Variants in MALRD1 observed in about 807,000 individuals in gnomAD.
MALRD1 encodes MAM and LDL-receptor class A domain-containing protein 1.
Under a neutral mutation model 242.1 loss-of-function variants are expected in MALRD1, and 247 were observed. The observed-to-expected ratio is 1.02, with a 90% CI of 0.92 to 1.13. MALRD1 has a LOEUF of 1.13. Among genes scored for constraint, MALRD1 ranks in the 50% most tolerant of loss-of-function variants. The pLI is 0.00. For synonymous variants in MALRD1, 995 were observed against 866.6 expected (o/e 1.15, Z -2.60); for missense variants, 2,989 against 2,533.1 (o/e 1.18, Z -3.86).
intron 5 of MALRD1, among the ~76,000 whole-genome samples, chr10:19,112,176 C>G (rs1342284876): frequency 6.8e-6 from 1 of 147,906 alleles, no homozygotes; most frequent in Non-Finnish European, 1.5e-5. Flanking sequence ...TTTTATGAAG[C>G]CAGTAGAGCT....
intron 21 of MALRD1, among the ~76,000 whole-genome samples, chr10:19,297,637 A>G (rs955023718): frequency 3.9e-5 from 6 of 152,096 alleles, no homozygotes; most frequent in African/African-American, 1.4e-4. Flanking sequence ...ATTACTTTCG[A>G]AGGCATGTTA....
At chr10:19,363,803 A>G (rs1844998501) in intron 26 of MALRD1, among the ~76,000 whole-genome samples, 1 of 152,100 alleles carries the variant, frequency 6.6e-6, no homozygotes, top group Non-Finnish European at 1.5e-5. Context: ...GCTTCCAAAG[A>G]ATCATCAATA....
chr10:19,325,899 A>T lies in MALRD1; in HGVS notation c.3577-1664A>T, dbSNP rs138998184. Among the ~76,000 whole-genome samples, 324 of 152,248 alleles carry T rather than the reference A, an allele frequency of 2.1e-3. 1 individual carries two copies. The highest frequency in any genetic ancestry group is 7.6e-3 in the African/African-American group (314 of 41,572). ...CGTTTTCCGAAAGGTTGATTGCAAT[A>T]TTAGTAGTAGGTGCTACCCTGACTC... On this transcript the variant is annotated intron_variant, in intron 22 of 39. Coordinates refer to ENST00000454679, the MANE Select transcript of MALRD1 (RefSeq NM_001142308.3).
At chr10:19,603,700 C>G (rs1052157622) in intron 34 of MALRD1, among the ~76,000 whole-genome samples, 2 of 151,960 alleles carry the variant, frequency 1.3e-5, no homozygotes, top group African/African-American at 4.8e-5. Flanking sequence ...TTCATATTTT[C>G]TAACAGTATA....
chr10:19,520,337 A>C (rs1482265553), intron 31 of MALRD1, among the ~76,000 whole-genome samples: 1 of 150,942 alleles, frequency 6.6e-6, no homozygotes, highest in Middle Eastern at 3.2e-3. Context: ...AATTGGTATC[A>C]TCTTTGTCAT....
chr10:19,733,808 GGTTTT>G (rs1178103613), intron 39 of MALRD1, among the ~76,000 whole-genome samples: 1 of 151,646 alleles, frequency 6.6e-6, no homozygotes, highest in African/African-American at 2.4e-5. Flanking sequence ...TAAAGGCATT[GGTTTT>G]GTTTTGTTTT....
chr10:19,077,950 AC>A (rs1427050229), intron 2 of MALRD1, among the ~76,000 whole-genome samples: 1 of 151,694 alleles, frequency 6.6e-6, no homozygotes, highest in African/African-American at 2.4e-5. Context: ...TCAAAGCAAA[AC>A]TCATAAAGTA....
At chr10:19,448,448 T>C (rs1835125585) in intron 28 of MALRD1, among the ~76,000 whole-genome samples, 1 of 152,120 alleles carries the variant, frequency 6.6e-6, no homozygotes, top group South Asian at 2.1e-4. Flanking sequence ...TATTTTTTTC[T>C]TTGCCAAATA....
At chr10:19,545,913 A>G (rs1835186584) in intron 32 of MALRD1, among the ~76,000 whole-genome samples, 1 of 152,008 alleles carries the variant, frequency 6.6e-6, no homozygotes, top group Non-Finnish European at 1.5e-5. Flanking sequence ...TCTATCTGTG[A>G]GGCTTTTATT....
At position 19,347,981 on chromosome 10, in the gene MALRD1, C is replaced by G. The variant is rs555587475; in HGVS notation, c.4112C>G (p.Ser1371Ter). Residue 1371 changes from serine to a stop codon, truncating the protein, a stop_gained, in exon 25 of 40, where the codon TCA (serine) becomes TGA (stop). Coordinates refer to ENST00000454679, the MANE Select transcript of MALRD1 (RefSeq NM_001142308.3). LOFTEE classifies it high-confidence loss of function. ...CAGCCCATGAGAGCTGCCAGAATTT[C>G]AAGTCCAGTTATAAGTAAGAGAAGC... is the stretch of plus-strand genomic sequence containing the variant. ...PQQPMRAARI[S>*]SPVISKRSKN... 6.4e-7 allele frequency: 1 copy of G among 1,550,408 alleles called. No homozygotes were observed. The highest frequency in any genetic ancestry group is 1.2e-5 in the South Asian group (1 of 84,026).
chr10:19,125,068 C>A (rs1254704262), intron 7 of MALRD1, among the ~76,000 whole-genome samples: 12 of 149,950 alleles, frequency 8.0e-5, no homozygotes, highest in African/African-American at 2.9e-4. Context: ...GTCTCAGCCT[C>A]CCAAGCAGCT....
At chr10:19,200,656 T>TGTTTTGTTTTG (rs1564461993) in intron 14 of MALRD1, among the ~76,000 whole-genome samples, 5 of 145,940 alleles carry the variant, frequency 3.4e-5, no homozygotes, top group African/African-American at 1.3e-4. Flanking sequence ...TTTTTTTTTT[T>TGTTTTGTTTTG]TTTTTTTTTT....
At chr10:19,561,340 A>G (rs1437018607) in intron 32 of MALRD1, among the ~76,000 whole-genome samples, 1 of 152,202 alleles carries the variant, frequency 6.6e-6, no homozygotes, top group East Asian at 1.9e-4. Flanking sequence ...AATTAGACCC[A>G]GTTGATTGAT....
intron 5 of MALRD1, among the ~76,000 whole-genome samples, chr10:19,116,493 T>A (rs1836874426): frequency 6.6e-6 from 1 of 152,236 alleles, no homozygotes; most frequent in African/African-American, 2.4e-5. Context: ...CAAATAAGGA[T>A]AACTGACACA....
intron 2 of MALRD1, among the ~76,000 whole-genome samples, chr10:19,085,289 G>C (rs1835631175): frequency 6.6e-6 from 1 of 151,892 alleles, no homozygotes; most frequent in Non-Finnish European, 1.5e-5. Flanking sequence ...TCTCTGGAAA[G>C]CCAGGGAACT....
chr10:19,347,940 G>C lies in MALRD1; in HGVS notation c.4071G>C (p.Lys1357Asn). The C allele has an allele frequency of 6.5e-7, 1 of 1,550,002 alleles. No homozygotes were observed. The highest frequency in any genetic ancestry group is 8.7e-7 in the Non-Finnish European group (1 of 1,146,746). The change falls in exon 25 of 40, where the codon AAG becomes AAC. Residue 1357 changes from lysine (K) to asparagine (N), a missense_variant. Lys to Asn is a moderately conservative substitution (Grantham distance 94, BLOSUM62 0). Transcript: ENST00000454679. ...GNSSGHYIFI[K>N]SLFPQQPMRA... ...CATCTGGTCATTACATCTTTATAAA[G>C]AGTTTGTTTCCTCAGCAGCCCATGA...
At chr10:19,559,570 A>AT (rs1295330080) in intron 32 of MALRD1, among the ~76,000 whole-genome samples, 4 of 151,892 alleles carry the variant, frequency 2.6e-5, no homozygotes, top group African/African-American at 9.7e-5. Context: ...TCGTGTGTGA[A>AT]TCCACCTGGT....
At chr10:19,723,972 C>T (rs908313482) in intron 38 of MALRD1, among the ~76,000 whole-genome samples, 24 of 151,832 alleles carry the variant, frequency 1.6e-4, no homozygotes, top group Non-Finnish European at 2.6e-4. Flanking sequence ...GCAGGAGGAT[C>T]GCTTGGGCCC....
chr10:19,129,589 A>C (rs2131395727), intron 8 of MALRD1, among the ~76,000 whole-genome samples: 1 of 152,150 alleles, frequency 6.6e-6, no homozygotes, highest in South Asian at 2.1e-4. Context: ...GAAAGTTCCA[A>C]GCTTCTAATC....
Sources: allele counts gnomAD v4.1 joint callset (sites outside exome capture counted in the v4.1 genomes callset), GRCh38; gene constraint gnomAD v4.1.1; transcripts MANE v1.5; gene names NCBI Gene and HGNC (gene_info 2026-07-23, HGNC 2026-07-21).